Variants in PARN observed in about 807,000 individuals in gnomAD.
PARN encodes the protein poly(A)-specific ribonuclease.
A neutral mutation model predicts 102.8 loss-of-function variants in PARN; 71 were observed. That is an observed-to-expected ratio of 0.69 (90% CI 0.57 to 0.84). The LOEUF (loss-of-function observed/expected upper bound fraction) is 0.84. PARN is among the 40% of genes least tolerant of loss of function. PARN has a pLI of 0.00. For missense variants in PARN, 782 were observed against 760.9 expected (o/e 1.03, Z -0.33); for synonymous variants, 261 against 252.9 (o/e 1.03, Z -0.30).
Position 14,582,211 on chromosome 16 carries a change from G to T in PARN, c.1162C>A (p.Leu388Met). ...EAGYDAYITG[L>M]CFISMANYLG... ...TAATTGGCCATGGAGATGAAGCACA[G>T]CCCTGTGATGTAGGCATCGTAGCCT... The change falls in exon 17 of 24, where the codon CTG becomes ATG. Residue 388 changes from leucine to methionine, a missense_variant. Coordinates refer to ENST00000437198, the MANE Select transcript of PARN (RefSeq NM_002582.4). 1 of 1,612,348 alleles carries T rather than the reference G, an allele frequency of 6.2e-7. No homozygotes were observed.
chr16:14,452,463 C>T (rs1961507099), intron 22 of PARN, among the ~76,000 whole-genome samples: 1 of 152,184 alleles, frequency 6.6e-6, no homozygotes, highest in East Asian at 1.9e-4. Context: ...ACCTCCATCT[C>T]CATGGTTCAA....
chr16:14,523,332 C>A (rs1241741833), intron 21 of PARN, among the ~76,000 whole-genome samples: 2 of 151,802 alleles, frequency 1.3e-5, no homozygotes, highest in East Asian at 3.9e-4. Context: ...AGTAAATATA[C>A]AGAAGATTGG....
At chr16:14,508,645 A>G (rs1479857736) in intron 21 of PARN, among the ~76,000 whole-genome samples, 1 of 151,928 alleles carries the variant, frequency 6.6e-6, no homozygotes, top group Non-Finnish European at 1.5e-5. Context: ...AGAAATCCCT[A>G]TAATTTCTGA....
intron 18 of PARN, among the ~76,000 whole-genome samples, chr16:14,570,069 G>A (rs779734717): frequency 6.6e-6 from 1 of 152,014 alleles, no homozygotes. Context: ...GGCCGGGTGC[G>A]GTGGCTCACG....
chr16:14,510,410 T>C (rs763510795), intron 21 of PARN, among the ~76,000 whole-genome samples: 8 of 152,048 alleles, frequency 5.3e-5, no homozygotes, highest in Non-Finnish European at 1.2e-4. Context: ...CGAATTCTAG[T>C]GGGAAAAAAA....
chr16:14,598,792 C>T (rs989988870), intron 12 of PARN, among the ~76,000 whole-genome samples: 17 of 152,284 alleles, frequency 1.1e-4, no homozygotes, highest in African/African-American at 3.6e-4. Flanking sequence ...CCTGTGTTTA[C>T]AAGCCTGCAG....
At chr16:14,580,428 C>G (rs1969456781) in intron 18 of PARN, among the ~76,000 whole-genome samples, 1 of 152,088 alleles carries the variant, frequency 6.6e-6, no homozygotes, top group Non-Finnish European at 1.5e-5. Flanking sequence ...GCTGGGATTA[C>G]AGGCACATGC....
chr16:14,580,989 A>G, intron 17 of PARN, 46 bp from the exon 18 acceptor site: 1 of 1,190,212 alleles, frequency 8.4e-7, no homozygotes, highest in Non-Finnish European at 1.2e-6. Flanking sequence ...AGTCACATAG[A>G]CCAAGCCTGA....
chr16:14,623,177 A>G (rs1972427855), intron 5 of PARN, among the ~76,000 whole-genome samples: 1 of 152,044 alleles, frequency 6.6e-6, no homozygotes, highest in Admixed American at 6.6e-5. Context: ...AAGCTAGGAA[A>G]AAAGGAGTAA....
intron 19 of PARN, 115 bp downstream of exon 19, chr16:14,555,539 T>C: frequency 2.0e-6 from 1 of 488,766 alleles, no homozygotes; most frequent in Non-Finnish European, 3.7e-6. Flanking sequence ...AACCACAAAA[T>C]CACAGCCCAA....
intron 12 of PARN, among the ~76,000 whole-genome samples, chr16:14,597,244 C>T (rs532282717): frequency 3.8e-4 from 58 of 152,306 alleles, no homozygotes; most frequent in Admixed American, 7.8e-4. Context: ...ACAGGATTTT[C>T]ATGGTCTCAA....
chr16:14,596,144 T>C (rs1002465427), intron 12 of PARN, among the ~76,000 whole-genome samples: 2 of 152,144 alleles, frequency 1.3e-5, no homozygotes, highest in Non-Finnish European at 2.9e-5. Context: ...GATCTTGGTT[T>C]CTAAACATCA....
rs772909619 is a variant in PARN at position 14,609,112 on chromosome 16, T to C, written c.566A>G (p.Glu189Gly). The C allele has an allele frequency of 6.0e-6, 9 of 1,509,298 alleles. No homozygotes were observed. Among genetic ancestry groups the C allele is most frequent in the Middle Eastern group, 1.7e-4 (1 of 5,900 alleles). 93.5% of individuals were successfully genotyped at this position (1,509,298 alleles called of 1,614,324 possible). A position where few individuals can be genotyped will look rare whatever the true frequency, so the allele number is the denominator to read the frequency against. ...KFIDQVVEKI[E>G]DLLQSEENKN... ...GTTTTCTTCACTTTGTAATAAATCCTCTATTTTCTCTCTGAGGAATAAGAA... is the reference window on the plus strand; with the variant it reads ...GTTTTCTTCACTTTGTAATAAATCCCCTATTTTCTCTCTGAGGAATAAGAA... Residue 189 changes from glutamate (E) to glycine (G), a missense_variant, in exon 8 of 24, where the codon GAG becomes GGG. Transcript: ENST00000437198.
chr16:14,489,437 CAA>C (rs770783306), intron 21 of PARN, among the ~76,000 whole-genome samples: 8,481 of 58,656 alleles, frequency 0.14, 196 homozygotes, highest in Admixed American at 0.2. Context: ...GAGAGAGACT[CAA>C]AAAAAAAAAA....
At chr16:14,447,490 C>T (rs1424551285) in intron 22 of PARN, among the ~76,000 whole-genome samples, 1 of 152,168 alleles carries the variant, frequency 6.6e-6, no homozygotes, top group Admixed American at 6.5e-5. Flanking sequence ...CTGCCTAATG[C>T]ATAAAGAGCA....
chr16:14,463,864 A>T (rs1036638767), intron 22 of PARN, among the ~76,000 whole-genome samples: 1 of 136,826 alleles, frequency 7.3e-6, no homozygotes, highest in East Asian at 2.0e-4. Context: ...ACAAGGTCTC[A>T]CTCTGTCACC....
chr16:14,582,969 C>T lies in PARN; in HGVS notation c.1082-678G>A, dbSNP rs1377765265. Among the ~76,000 whole-genome samples the T allele has an allele frequency of 2.6e-5, 4 of 152,298 alleles. No homozygotes were observed. The East Asian group carries it at 7.7e-4, about 29-fold the overall frequency. On this transcript the variant is annotated intron_variant, in intron 16 of 23. Transcript: ENST00000437198. ...CAAAAAAAGAGAAGACTGCAATTCA[C>T]TATCAACAGCTCCAACTCACTACTG...
intron 8 of PARN, 25 bp downstream of exon 8, chr16:14,609,033 T>G: frequency 1.4e-6 from 2 of 1,420,942 alleles, no homozygotes; most frequent in Non-Finnish European, 2.0e-6. Flanking sequence ...AAAAAGGACA[T>G]GCAGAAATGT....
intron 21 of PARN, among the ~76,000 whole-genome samples, chr16:14,484,961 G>C (rs962994998): frequency 1.3e-5 from 2 of 152,084 alleles, no homozygotes; most frequent in African/African-American, 4.8e-5. Context: ...GCTCACACTT[G>C]TAATCCCAGC....
Sources: gnomAD v4.1 joint callset for allele counts (sites outside exome capture counted in the v4.1 genomes callset) on GRCh38, gnomAD v4.1.1 for gene constraint, MANE v1.5 for transcripts, NCBI Gene and HGNC (gene_info 2026-07-23, HGNC 2026-07-21) for gene names.